USH2A: variants seen among roughly 807,000 people sequenced by gnomAD.
USH2A encodes the protein Usher syndrome 2A (autosomal recessive, mild).
In USH2A, 443 loss-of-function variants were observed where a neutral mutation model predicts 538.9. The ratio of observed to expected loss-of-function variants is 0.82; its 90% CI spans 0.76 to 0.89. The LOEUF (loss-of-function observed/expected upper bound fraction) is 0.89, where lower values mean the gene tolerates loss of function less well. Ranked by LOEUF, USH2A falls within the 40% of genes least tolerant of loss-of-function variation. The pLI is 0.00. For missense variants in USH2A, 6,633 were observed against 6,324.8 expected, an observed-to-expected ratio of 1.05 and a Z score of -1.65; for synonymous variants, 2,413 against 2,273.5, an observed-to-expected ratio of 1.06 and a Z score of -1.75.
intron 58 of USH2A, among the ~76,000 whole-genome samples, chr1:215,743,577 C>G (rs1003351777): frequency 1.3e-5 from 2 of 150,476 alleles, no homozygotes; most frequent in African/African-American, 2.4e-5. Context: ...GCCTGTAATC[C>G]CAGCACTTTG....
chr1:216,279,795 A>G (rs1023045654), intron 11 of USH2A, among the ~76,000 whole-genome samples: 1 of 152,110 alleles, frequency 6.6e-6, no homozygotes, highest in African/African-American at 2.4e-5. Flanking sequence ...GAAAGCACTC[A>G]GACAATATTT....
At chr1:216,276,586 G>A (rs551108774) in intron 11 of USH2A, among the ~76,000 whole-genome samples, 8 of 152,216 alleles carry the variant, frequency 5.3e-5, no homozygotes, top group African/African-American at 9.6e-5. Flanking sequence ...CAGTGTACTC[G>A]TCTGTTTTCA....
At chr1:215,860,428 GA>G (rs1664285615) in intron 44 of USH2A, among the ~76,000 whole-genome samples, 1 of 151,926 alleles carries the variant, frequency 6.6e-6, no homozygotes, top group Non-Finnish European at 1.5e-5. Flanking sequence ...AAAAACAAAA[GA>G]AAAAAAGTAT....
intron 47 of USH2A, among the ~76,000 whole-genome samples, chr1:215,836,853 A>C (rs890181060): frequency 6.6e-6 from 1 of 151,308 alleles, no homozygotes; most frequent in Non-Finnish European, 1.5e-5. Flanking sequence ...ACCACGCCCC[A>C]CCTTGCCTTC....
intron 64 of USH2A, among the ~76,000 whole-genome samples, chr1:215,667,592 A>G (rs1293164423): frequency 6.6e-6 from 1 of 151,880 alleles, no homozygotes. Flanking sequence ...CCCAGCTACC[A>G]GGAGGCTGAG....
chr1:216,259,212 G>A (rs555184197), intron 11 of USH2A, among the ~76,000 whole-genome samples: 15 of 152,094 alleles, frequency 9.9e-5, no homozygotes, highest in Non-Finnish European at 1.6e-4. Context: ...TGCACACTGC[G>A]ATGTTTAGAA....
intron 71 of USH2A, among the ~76,000 whole-genome samples, chr1:215,627,771 G>A (rs891191635): frequency 3.9e-5 from 6 of 152,042 alleles, no homozygotes; most frequent in Admixed American, 3.3e-4. Context: ...CTCGTGATCC[G>A]CCCACCTCGG....
chr1:215,824,322 G>T (rs903150558), intron 47 of USH2A, among the ~76,000 whole-genome samples: 1 of 151,940 alleles, frequency 6.6e-6, no homozygotes, highest in Non-Finnish European at 1.5e-5. Context: ...AGGTATGTTT[G>T]CATAGAGATT....
intron 47 of USH2A, among the ~76,000 whole-genome samples, chr1:215,830,074 T>A (rs144484065): frequency 6.6e-6 from 1 of 152,298 alleles, no homozygotes; most frequent in East Asian, 1.9e-4. Flanking sequence ...GACAAAACTT[T>A]AAGAATGAAT....
At chr1:216,225,166 T>G (rs1282335369) in intron 14 of USH2A, among the ~76,000 whole-genome samples, 1 of 152,146 alleles carries the variant, frequency 6.6e-6, no homozygotes, top group African/African-American at 2.4e-5. Context: ...TATATCTTAG[T>G]CAATTGTTAC....
chr1:216,231,241 TATATATATTATATATATA>T (rs2035674464), intron 14 of USH2A, among the ~76,000 whole-genome samples: 1 of 62,244 alleles, frequency 1.6e-5, no homozygotes. Flanking sequence ...CCCATATATA[TATATATATTATATATATA>T]ATATATATAT....
At chr1:216,198,633 T>C (rs1319714848) in intron 17 of USH2A, 49 bp from the exon 18 acceptor site, 1 of 1,573,114 alleles carries the variant, frequency 6.4e-7, no homozygotes, top group Non-Finnish European at 8.7e-7. Context: ...ACAAAGGGGT[T>C]ACTTTAGGGG....
rs1276853036 is a variant in USH2A at position 216,078,345 on chromosome 1, T to A, written c.5316A>T (p.Gly1772=). The change falls in exon 27 of 72, where the codon GGA becomes GGT. Residue 1772 remains glycine (G), a synonymous_variant. Transcript: ENST00000307340. ...PDFLAMELKS[G]ILTFRLNTSL... ...TGGTATTTAACCGGAAGGTCAATATTCCACTTTTCAGCTCCATCTGTATTT... is the reference window on the plus strand; with the variant it reads ...TGGTATTTAACCGGAAGGTCAATATACCACTTTTCAGCTCCATCTGTATTT... The A allele has an allele frequency of 1.9e-6, 3 of 1,613,508 alleles. No homozygotes were observed. The South Asian group carries it at 3.3e-5, about 18-fold the overall frequency.
At chr1:215,820,121 A>AT (rs138507974) in intron 47 of USH2A, among the ~76,000 whole-genome samples, 1 of 151,542 alleles carries the variant, frequency 6.6e-6, no homozygotes, top group African/African-American at 2.4e-5. Context: ...ATTTGAATGA[A>AT]TTTTTTTTGG....
chr1:215,845,844 T>C lies in USH2A; in HGVS notation c.9035A>G (p.His3012Arg), dbSNP rs1443972824. The C allele has an allele frequency of 1.2e-6, 2 of 1,613,712 alleles. No homozygotes were observed. Among genetic ancestry groups the C allele is most frequent in the African/African-American group, 2.7e-5 (2 of 74,934 alleles). Residue 3012 changes from histidine to arginine, a missense_variant, in exon 45 of 72, where the codon CAT (histidine) becomes CGT (arginine). Transcript: ENST00000307340. ...CTCACCCCCATCGCAAGTGGTTGCATGAAGTCCTGCACTGTTGATGCTGTG... is the reference window on the plus strand; with the variant it reads ...CTCACCCCCATCGCAAGTGGTTGCACGAAGTCCTGCACTGTTGATGCTGTG... ...GVHSINSAGL[H>R]ATTCDGEPQG...
At chr1:215,709,459 C>A (rs945321225) in intron 61 of USH2A, among the ~76,000 whole-genome samples, 2 of 151,850 alleles carry the variant, frequency 1.3e-5, no homozygotes, top group African/African-American at 4.8e-5. Context: ...CTTCAGCAAA[C>A]CTATTATTAA....
chr1:215,896,121 T>C (rs1665333405), intron 40 of USH2A, among the ~76,000 whole-genome samples: 1 of 152,200 alleles, frequency 6.6e-6, no homozygotes, highest in South Asian at 2.1e-4. Context: ...AAATGAAAAG[T>C]TGTCTAAGTA....
chr1:216,090,779 A>T (rs2032281689), intron 22 of USH2A, among the ~76,000 whole-genome samples: 2 of 152,180 alleles, frequency 1.3e-5, no homozygotes, highest in Non-Finnish European at 2.9e-5. Context: ...TAATGGGATT[A>T]CTAGCATGGG....
intron 66 of USH2A, 113 bp downstream of exon 66, chr1:215,648,415 T>C (rs112879184): frequency 1.8e-6 from 2 of 1,104,232 alleles, no homozygotes; most frequent in African/African-American, 1.5e-5. Flanking sequence ...CCCTGGGGAG[T>C]GCCAGGTAGC....
Sources: allele counts gnomAD v4.1 joint callset (sites outside exome capture counted in the v4.1 genomes callset), GRCh38; gene constraint gnomAD v4.1.1; transcripts MANE v1.5; gene names NCBI Gene and HGNC (gene_info 2026-07-23, HGNC 2026-07-21).